The following RAD21 variants were observed in gnomAD, a reference collection of about 807,000 sequenced individuals.
RAD21 encodes the protein double-strand-break repair protein rad21 homolog.
RAD21 carries 18 observed loss-of-function variants against 71.5 expected under a neutral mutation model. That is an observed-to-expected ratio of 0.25 (90% CI 0.17 to 0.37). The LOEUF is 0.37. Ranked by LOEUF, RAD21 falls within the 10% of genes least tolerant of loss-of-function variation. The pLI is 1.00. For synonymous variants in RAD21, 248 were observed against 254.0 expected, an observed-to-expected ratio of 0.98 and a Z score of 0.22; for missense variants, 493 against 769.1, an observed-to-expected ratio of 0.64 and a Z score of 4.25.
intron 1 of RAD21, 135 bp from the exon 2 acceptor site, chr8:116,866,896 A>G: frequency 1.9e-6 from 1 of 520,974 alleles, no homozygotes; most frequent in Non-Finnish European, 3.0e-6. Flanking sequence ...TTTAATATGT[A>G]TTTTAAAAAC....
At chr8:116,849,945 T>C (rs578244884) in intron 12 of RAD21, among the ~76,000 whole-genome samples, 1 of 152,014 alleles carries the variant, frequency 6.6e-6, no homozygotes, top group African/African-American at 2.4e-5. Flanking sequence ...TTATTTTAAA[T>C]TTAAAGGTTT....
chr8:116,869,779 G>GAGA (rs1812772720), intron 1 of RAD21, among the ~76,000 whole-genome samples: 1 of 152,178 alleles, frequency 6.6e-6, no homozygotes, highest in African/African-American at 2.4e-5. Flanking sequence ...GAAAGACACA[G>GAGA]AGAAGCTGGA....
Position 116,863,239 on chromosome 8 carries a change from T to C in RAD21, c.165A>G (p.Thr55=), listed in dbSNP as rs1485107077. The change falls in exon 3 of 14, where the codon ACA becomes ACG. Residue 55 remains threonine, a synonymous_variant. Transcript: ENST00000297338. The stretch of plus-strand genomic sequence containing the variant: ...CTACTCCCAGTAAGAGATGTCCTGA[T>C]GTCCGTAATGCCATTTTCACCTATG... ...ISPKVKMALR[T]SGHLLLGVVR... is the part of the protein sequence containing the mutation. The C allele has an allele frequency of 1.6e-5, 26 of 1,611,624 alleles. No individual in the cohort carries two copies. Among genetic ancestry groups the C allele is most frequent in the Non-Finnish European group, 2.1e-5 (25 of 1,178,218 alleles).
At chr8:116,867,424 G>T (rs1812719179) in intron 1 of RAD21, among the ~76,000 whole-genome samples, 1 of 152,174 alleles carries the variant, frequency 6.6e-6, no homozygotes, top group Non-Finnish European at 1.5e-5. Flanking sequence ...TGGTACAGCA[G>T]ATTTATCTTA....
rs2921787 is a variant in RAD21 at position 116,857,259 on chromosome 8, C to G, written c.688+8G>C. ...GTTTATGCTGGAATAACCATCATTC[C>G]CACATACCTAATATTCCACCATCAT... On this transcript the variant is annotated splice_region_variant and intron_variant, in intron 6 of 13. Transcript: ENST00000297338. The G allele has an allele frequency of 6.3e-7, 1 of 1,596,524 alleles. No individual in the cohort carries two copies. Among genetic ancestry groups the G allele is most frequent in the Non-Finnish European group, 8.6e-7 (1 of 1,167,278 alleles).
At chr8:116,860,041 C>T (rs1330506037) in intron 4 of RAD21, among the ~76,000 whole-genome samples, 1 of 152,152 alleles carries the variant, frequency 6.6e-6, no homozygotes, top group Admixed American at 6.6e-5. Context: ...AACCCTGATG[C>T]ATGACTTTGA....
intron 6 of RAD21, 84 bp downstream of exon 6, chr8:116,857,183 C>T: frequency 8.3e-7 from 1 of 1,209,904 alleles, no homozygotes; most frequent in Non-Finnish European, 1.2e-6. Flanking sequence ...CTGTTCAAGA[C>T]TCAGAATTAG....
chr8:116,860,331 G>T (rs17426104), intron 4 of RAD21, among the ~76,000 whole-genome samples: 1 of 152,182 alleles, frequency 6.6e-6, no homozygotes, highest in Admixed American at 6.5e-5. Flanking sequence ...GGTTTCAGAC[G>T]ATTAGCTCTA....
chr8:116,866,254 G>GTTT lies in RAD21; in HGVS notation c.144+329_144+331dup, dbSNP rs56026154. ...ACGCATTTACAGCACTTCCACGTCG[G>GTTT]TTTTTTTTTTTTTTGAGACAGGGTC... On this transcript the variant is annotated intron_variant, in intron 2 of 13. Transcript: ENST00000297338. Among the ~76,000 whole-genome samples the GTTT allele has an allele frequency of 9.1e-3, 1,299 of 142,760 alleles. 19 individuals are homozygous for GTTT. The highest frequency in any genetic ancestry group is 0.03 in the African/African-American group (1,181 of 39,114). The allele number at this position is 142,760 out of a possible 152,430, so 93.7% of individuals were successfully genotyped here.
intron 11 of RAD21, 104 bp from the exon 12 acceptor site, chr8:116,850,871 T>C: frequency 2.7e-6 from 2 of 738,656 alleles, no homozygotes; most frequent in Non-Finnish European, 4.4e-6. Context: ...CAAAAAGAAA[T>C]ACTGAGATTA....
In RAD21 at chr8:116,848,802, T is replaced by A. The variant is rs3020135; in HGVS notation, c.1704+144A>T. 0.069 allele frequency: 31,371 copies of A among 457,040 alleles called. 2,890 individuals are homozygous for A. Among genetic ancestry groups the A allele is most frequent in the African/African-American group, 0.3 (14,348 of 47,830 alleles). The allele number at this position is 457,040 out of a possible 1,614,324, so 28.3% of individuals were successfully genotyped here. A position where few individuals can be genotyped will look rare whatever the true frequency, so the allele number is the denominator to read the frequency against. ...AAGAAAACTCTCCCTCCAGAAAAAA[T>A]AAATAAATAAATAAAAATGTAGTTT... On this transcript the variant is annotated intron_variant, in intron 13 of 13. Coordinates refer to ENST00000297338, the MANE Select transcript of RAD21 (RefSeq NM_006265.3).
chr8:116,866,815 A>C, intron 1 of RAD21, 54 bp from the exon 2 acceptor site: 1 of 1,231,858 alleles, frequency 8.1e-7, no homozygotes, highest in Non-Finnish European at 1.1e-6. Context: ...TTAAATACTT[A>C]TCAAGACATA....
At chr8:116,866,146 T>A (rs1045868658) in intron 2 of RAD21, among the ~76,000 whole-genome samples, 3 of 152,162 alleles carry the variant, frequency 2.0e-5, no homozygotes, top group African/African-American at 7.2e-5. Flanking sequence ...CTCATTTGTA[T>A]AGTTTTGGCT....
chr8:116,873,331 C>T (rs1029600140), intron 1 of RAD21, among the ~76,000 whole-genome samples: 1 of 152,162 alleles, frequency 6.6e-6, no homozygotes, highest in South Asian at 2.1e-4. Flanking sequence ...AAACTGTTAA[C>T]TTATTTGAAG....
At chr8:116,873,602 C>A (rs1389771703) in intron 1 of RAD21, among the ~76,000 whole-genome samples, 4 of 151,548 alleles carry the variant, frequency 2.6e-5, no homozygotes, top group East Asian at 3.9e-4. Context: ...CCGATAAACA[C>A]AAGCCTTTCC....
chr8:116,857,621 T>G, intron 5 of RAD21, 148 bp from the exon 6 acceptor site: 1 of 719,048 alleles, frequency 1.4e-6, no homozygotes, highest in Non-Finnish European at 2.2e-6. Flanking sequence ...TAAACTTTAA[T>G]TCTTTAGCAT....
intron 1 of RAD21, among the ~76,000 whole-genome samples, chr8:116,871,274 T>C (rs1476905954): frequency 6.6e-6 from 1 of 152,234 alleles, no homozygotes; most frequent in Non-Finnish European, 1.5e-5. Flanking sequence ...ATGAAAACCC[T>C]GTGCAGAAAA....
At position 116,854,551 on chromosome 8, in the gene RAD21, T is replaced by TC. The variant is rs1812422937; in HGVS notation, c.938-84dup. 9.8e-6 allele frequency: 10 copies of TC among 1,019,532 alleles called. No individual in the cohort carries two copies. The South Asian group carries it at 1.3e-4, about 13-fold the overall frequency. 63.2% of individuals were successfully genotyped at this position (1,019,532 alleles called of 1,614,324 possible). ...GCTACAAGATCTGGACTGACTATATTCCCCTGCTTTTCTACACACAGACTC... is the reference window on the plus strand; with the variant it reads ...GCTACAAGATCTGGACTGACTATATTCCCCCTGCTTTTCTACACACAGACTC... On this transcript the variant is annotated intron_variant, in intron 8 of 13. Transcript: ENST00000297338.
chr8:116,859,163 T>C (rs751589081), intron 4 of RAD21, among the ~76,000 whole-genome samples: 5 of 151,102 alleles, frequency 3.3e-5, no homozygotes, highest in Admixed American at 1.3e-4. Context: ...CTGGCTATCA[T>C]ATAGGCATAC....
Sources: allele counts gnomAD v4.1 joint callset (sites outside exome capture counted in the v4.1 genomes callset), GRCh38; gene constraint gnomAD v4.1.1; transcripts MANE v1.5; gene names NCBI Gene and HGNC (gene_info 2026-07-23, HGNC 2026-07-21).